Variants in TNFAIP8 observed in about 807,000 individuals in gnomAD.
TNFAIP8 encodes TNF alpha induced protein 8, also known as tumor necrosis factor alpha-induced protein 8.
TNFAIP8 carries 7 observed loss-of-function variants against 13.3 expected under a neutral mutation model. That is an observed-to-expected ratio of 0.52 (90% CI 0.30 to 0.99). TNFAIP8 has a LOEUF of 0.99. Among genes scored for constraint, TNFAIP8 ranks in the 50% least tolerant of loss-of-function variants. The probability of loss-of-function intolerance (pLI) is 0.07; values close to 1 mark genes in which losing one functional copy is unlikely to be tolerated. For synonymous variants in TNFAIP8, 94 were observed against 87.6 expected (o/e 1.07, Z -0.41); for missense variants, 258 against 236.9 (o/e 1.09, Z -0.58).
intron 1 of TNFAIP8, among the ~76,000 whole-genome samples, chr5:119,297,967 T>G (rs1749231945): frequency 6.6e-6 from 1 of 152,206 alleles, no homozygotes; most frequent in African/African-American, 2.4e-5. Context: ...TGGTAGATCT[T>G]CCTCCATCCT....
At chr5:119,300,881 G>A (rs762296335) in intron 1 of TNFAIP8, among the ~76,000 whole-genome samples, 5 of 152,170 alleles carry the variant, frequency 3.3e-5, no homozygotes, top group Admixed American at 6.5e-5. Flanking sequence ...GAAAGAGGAG[G>A]TGATATTTTC....
intron 1 of TNFAIP8, among the ~76,000 whole-genome samples, chr5:119,284,877 AC>A (rs1452386210): frequency 6.6e-6 from 1 of 152,180 alleles, no homozygotes; most frequent in African/African-American, 2.4e-5. Context: ...GGGAGGTGAA[AC>A]TTAAATGTGC....
upstream of TNFAIP8, chr5:119,354,788 A>G (rs3920174): frequency 0.38 from 58,274 of 153,926 alleles, 11,457 homozygotes; most frequent in South Asian, 0.52. Flanking sequence ...CCTTAAATCC[A>G]TGTCTTTTGT....
chr5:119,344,723 AAGGCCAATCC>A, intron 1 of TNFAIP8, among the ~76,000 whole-genome samples: 1 of 152,338 alleles, frequency 6.6e-6, no homozygotes, highest in East Asian at 1.9e-4. Flanking sequence ...GAGAGAAAAA[AAGGCCAATCC>A]AGGAAACATT....
At chr5:119,307,569 C>T (rs911087674) in intron 1 of TNFAIP8, among the ~76,000 whole-genome samples, 65 of 152,176 alleles carry the variant, frequency 4.3e-4, no homozygotes, top group Admixed American at 1.0e-3. Flanking sequence ...CTCTATGTAT[C>T]CATTCATACC....
At chr5:119,321,731 A>T (rs1334495700) in intron 1 of TNFAIP8, among the ~76,000 whole-genome samples, 1 of 151,984 alleles carries the variant, frequency 6.6e-6, no homozygotes, top group Admixed American at 6.6e-5. Flanking sequence ...GAAGCCTCCT[A>T]ACTCCCCTGT....
At chr5:119,302,424 C>A (rs373348251) in intron 1 of TNFAIP8, among the ~76,000 whole-genome samples, 91 of 152,214 alleles carry the variant, frequency 6.0e-4, no homozygotes, top group Non-Finnish European at 1.0e-3. Flanking sequence ...CCATTTTCTC[C>A]TCTGCTTCTA....
intron 1 of TNFAIP8, among the ~76,000 whole-genome samples, chr5:119,335,326 A>G (rs114527726): frequency 0.016 from 2,472 of 152,280 alleles, 54 homozygotes; most frequent in African/African-American, 0.049. Context: ...CCCAAATCAC[A>G]TTAATTTAAG....
At chr5:119,359,992 T>C (rs868768028) in intron 1 of TNFAIP8, among the ~76,000 whole-genome samples, 10 of 152,266 alleles carry the variant, frequency 6.6e-5, no homozygotes, top group Admixed American at 1.3e-4. Context: ...TATCATACTC[T>C]CTCCTCTACA....
At chr5:119,341,857 T>C (rs1350052954) in intron 1 of TNFAIP8, among the ~76,000 whole-genome samples, 1 of 152,230 alleles carries the variant, frequency 6.6e-6, no homozygotes, top group Admixed American at 6.5e-5. Flanking sequence ...CTCTCACTTC[T>C]GCTTTGCAAG....
At chr5:119,317,972 A>C (rs1212455366) in intron 1 of TNFAIP8, among the ~76,000 whole-genome samples, 1 of 152,186 alleles carries the variant, frequency 6.6e-6, no homozygotes, top group Non-Finnish European at 1.5e-5. Context: ...GGACACATAA[A>C]AGATCTTCGT....
intron 1 of TNFAIP8, among the ~76,000 whole-genome samples, chr5:119,382,557 A>G (rs991341437): frequency 1.3e-5 from 2 of 152,206 alleles, no homozygotes; most frequent in Non-Finnish European, 1.5e-5. Flanking sequence ...CTACCATAAT[A>G]ATGATAATAA....
intron 1 of TNFAIP8, among the ~76,000 whole-genome samples, chr5:119,300,415 A>G (rs930131866): frequency 2.0e-5 from 3 of 152,222 alleles, no homozygotes; most frequent in Non-Finnish European, 4.4e-5. Flanking sequence ...AGAATCTTCA[A>G]TCTTTAAAAA....
At chr5:119,333,189 T>G in intron 1 of TNFAIP8, 1 of 993,190 alleles carries the variant, frequency 1.0e-6, no homozygotes, top group East Asian at 1.1e-4. Context: ...TTGAATATAC[T>G]CCTGTTTGCT....
intron 1 of TNFAIP8, among the ~76,000 whole-genome samples, chr5:119,310,770 T>G (rs1165913766): frequency 6.6e-6 from 1 of 152,026 alleles, no homozygotes; most frequent in Non-Finnish European, 1.5e-5. Flanking sequence ...GAGGTTACAG[T>G]GAGTGGAGAT....
intron 1 of TNFAIP8, among the ~76,000 whole-genome samples, chr5:119,292,685 T>TATATATATATATACAC (rs1470227218): frequency 3.8e-5 from 2 of 52,334 alleles, no homozygotes; most frequent in African/African-American, 5.3e-5. Flanking sequence ...TATATATATA[T>TATATATATATATACAC]ACACACACAC....
At chr5:119,278,372 AGAGAGTGTGT>A (rs1256999827) in intron 1 of TNFAIP8, among the ~76,000 whole-genome samples, 21 of 124,998 alleles carry the variant, frequency 1.7e-4, no homozygotes, top group African/African-American at 4.4e-4. Flanking sequence ...AGAGAGAGAG[AGAGAGTGTGT>A]GTGTGTGTGT....
intron 1 of TNFAIP8, among the ~76,000 whole-genome samples, chr5:119,374,803 G>A (rs1035106543): frequency 6.6e-5 from 10 of 152,172 alleles, no homozygotes; most frequent in Non-Finnish European, 1.3e-4. Flanking sequence ...AGTATTGCCA[G>A]AAGGTCAGAT....
At chr5:119,389,599 G>A (rs1198520869) in intron 1 of TNFAIP8, among the ~76,000 whole-genome samples, 1 of 152,112 alleles carries the variant, frequency 6.6e-6, no homozygotes, top group African/African-American at 2.4e-5. Flanking sequence ...CCTGGCCAGC[G>A]ACTCTCAGCC....
Sources: allele counts gnomAD v4.1 joint callset (sites outside exome capture counted in the v4.1 genomes callset), GRCh38; gene constraint gnomAD v4.1.1; transcripts MANE v1.5; gene names NCBI Gene and HGNC (gene_info 2026-07-23, HGNC 2026-07-21).